The following ADAM22 variants were observed in gnomAD, a reference collection of about 807,000 sequenced individuals.
ADAM22 encodes ADAM metallopeptidase domain 22.
A neutral mutation model predicts 144.6 loss-of-function variants in ADAM22; 65 were observed. That is an observed-to-expected ratio of 0.45 (90% CI 0.37 to 0.55). The LOEUF is 0.55. Ranked by LOEUF, ADAM22 falls within the 20% of genes least tolerant of loss-of-function variation. The pLI is 0.00. For missense variants in ADAM22, 974 were observed against 1,184.9 expected, an observed-to-expected ratio of 0.82 and a Z score of 2.61; for synonymous variants, 391 against 412.6, an observed-to-expected ratio of 0.95 and a Z score of 0.63.
chr7:88,181,669 G>C, intron 28 of ADAM22, 64 bp downstream of exon 28: 2 of 1,396,038 alleles, frequency 1.4e-6, no homozygotes, highest in Non-Finnish European at 2.0e-6. Flanking sequence ...GTGGCCCCTG[G>C]TTGTAAAGAC....
chr7:87,987,388 A>C (rs1788739533), intron 3 of ADAM22, among the ~76,000 whole-genome samples: 1 of 152,166 alleles, frequency 6.6e-6, no homozygotes, highest in South Asian at 2.1e-4. Context: ...CATGTTGGCC[A>C]GGCTGGTCTC....
chr7:88,087,537 T>G (rs942365740), intron 4 of ADAM22, among the ~76,000 whole-genome samples: 4 of 152,162 alleles, frequency 2.6e-5, no homozygotes, highest in Non-Finnish European at 5.9e-5. Context: ...AGGTCAGGAA[T>G]GTGTGTAGAT....
chr7:88,031,274 A>C (rs1800206285), intron 3 of ADAM22, among the ~76,000 whole-genome samples: 1 of 152,216 alleles, frequency 6.6e-6, no homozygotes, highest in South Asian at 2.1e-4. Context: ...AAGCAGCTTT[A>C]AAACTGGGTA....
chr7:87,944,816 G>GTTTTTTTTTTTTTTTTTTTTT (rs11311070), intron 2 of ADAM22, among the ~76,000 whole-genome samples: 7 of 127,026 alleles, frequency 5.5e-5, no homozygotes, highest in African/African-American at 8.7e-5. Context: ...GGAAACTTGT[G>GTTTTTTTTTTTTTTTTTTTTT]TTTTTTTTTT....
At chr7:87,990,622 A>T (rs1044873775) in intron 3 of ADAM22, among the ~76,000 whole-genome samples, 2 of 151,962 alleles carry the variant, frequency 1.3e-5, no homozygotes, top group African/African-American at 4.8e-5. Flanking sequence ...TTTATCACTT[A>T]TATATCTATC....
At chr7:87,955,854 G>A (rs62489879) in intron 2 of ADAM22, among the ~76,000 whole-genome samples, 338 of 152,276 alleles carry the variant, frequency 2.2e-3, no homozygotes, top group South Asian at 4.1e-3. Context: ...CCCCAGCCTC[G>A]CTGCTGCCTT....
intron 3 of ADAM22, among the ~76,000 whole-genome samples, chr7:88,063,403 T>C (rs545204854): frequency 6.6e-6 from 1 of 151,888 alleles, no homozygotes; most frequent in Non-Finnish European, 1.5e-5. Flanking sequence ...AAGTGGAATA[T>C]AGGAGAGACA....
chr7:88,062,204 T>C (rs920872219), intron 3 of ADAM22, among the ~76,000 whole-genome samples: 2 of 121,878 alleles, frequency 1.6e-5, no homozygotes, highest in African/African-American at 5.1e-5. Flanking sequence ...AAGTCCTAGA[T>C]GACATCTTCT....
In ADAM22 at chr7:88,163,129, C is replaced by T; in HGVS notation, c.2025C>T (p.Asn675=). The change falls in exon 23 of 32, where the codon AAC becomes AAT. Residue 675 remains asparagine, a synonymous_variant. Coordinates refer to ENST00000413139, the MANE Select transcript of ADAM22 (RefSeq NM_001324418.2). ...GGTGTCTTCCTGTGGCTTCTTTCAA[C>T]TTTAGTACTTGCTTGAGCAGTAAAG... ...EHRCLPVASF[N]FSTCLSSKEG... The T allele has an allele frequency of 6.2e-7, 1 of 1,612,092 alleles. No individual in the cohort carries two copies. The highest frequency in any genetic ancestry group is 8.5e-7 in the Non-Finnish European group (1 of 1,178,990).
chr7:88,145,154 C>T lies in ADAM22; in HGVS notation c.1350C>T (p.Gly450=), dbSNP rs1270730394. Residue 450 remains glycine, a synonymous_variant, in exon 16 of 32, where the codon GGC becomes GGT. Transcript: ENST00000413139. The part of the protein sequence containing the change: ...KLLDPPECGN[G]FIETGEECDC... ...TTGATCCTCCTGAGTGTGGCAATGG[C>T]TTCATTGAAACTGGAGAGGAGTGTG... is the stretch of plus-strand genomic sequence containing the variant. The T allele has an allele frequency of 2.5e-6, 4 of 1,613,746 alleles. No homozygotes were observed. Among genetic ancestry groups the T allele is most frequent in the South Asian group, 2.2e-5 (2 of 91,034 alleles).
chr7:88,010,672 G>A (rs954063067), intron 3 of ADAM22, among the ~76,000 whole-genome samples: 3 of 152,084 alleles, frequency 2.0e-5, no homozygotes, highest in Non-Finnish European at 4.4e-5. Context: ...CAACTTTTCC[G>A]TGTCTCTCCA....
intron 3 of ADAM22, among the ~76,000 whole-genome samples, chr7:88,066,399 G>A (rs1273730201): frequency 6.6e-6 from 1 of 152,088 alleles, no homozygotes; most frequent in Non-Finnish European, 1.5e-5. Context: ...AATTGAAGTA[G>A]CCATTTAAGA....
chr7:88,019,401 G>T (rs779418493), intron 3 of ADAM22, among the ~76,000 whole-genome samples: 5 of 152,112 alleles, frequency 3.3e-5, no homozygotes, highest in Non-Finnish European at 5.9e-5. Flanking sequence ...CTTGAATCTG[G>T]GAGGTGGAGG....
At chr7:87,949,817 GATTA>G (rs1179080896) in intron 2 of ADAM22, among the ~76,000 whole-genome samples, 2 of 148,966 alleles carry the variant, frequency 1.3e-5, no homozygotes, top group African/African-American at 4.9e-5. Context: ...ATTTAATATG[GATTA>G]ATTATGTTAA....
intron 3 of ADAM22, among the ~76,000 whole-genome samples, chr7:87,995,459 T>C (rs930811619): frequency 2.0e-5 from 3 of 152,220 alleles, no homozygotes; most frequent in African/African-American, 4.8e-5. Context: ...TGGCTACACA[T>C]TATAATAACC....
At chr7:88,068,850 A>T (rs776055889) in intron 3 of ADAM22, among the ~76,000 whole-genome samples, 2 of 152,148 alleles carry the variant, frequency 1.3e-5, no homozygotes, top group Non-Finnish European at 2.9e-5. Context: ...TGGTGGCTGG[A>T]TTCAAAGGAG....
At chr7:87,978,515 A>G in intron 3 of ADAM22, 103 bp downstream of exon 3, 2 of 903,886 alleles carry the variant, frequency 2.2e-6, no homozygotes, top group East Asian at 5.1e-5. Flanking sequence ...GTCTTCCTAT[A>G]CCGGTTAAAT....
In ADAM22 at chr7:87,934,424, AG is replaced by A; in HGVS notation, c.-40del. On this transcript the variant is annotated 5_prime_UTR_variant, in exon 1 of 32. It removes the in-frame stop codon of an upstream open reading frame in the 5' UTR. Coordinates refer to ENST00000413139, the MANE Select transcript of ADAM22 (RefSeq NM_001324418.2). ...AAACGGACTCGGCGGCGCCGGCATG[AG>A]GAGCTGAGCGTCTCGGGCGAGGCGG... 1 of 1,554,340 alleles carries A rather than the reference AG, an allele frequency of 6.4e-7. No individual in the cohort carries two copies. The highest frequency in any genetic ancestry group is 8.7e-7 in the Non-Finnish European group (1 of 1,154,396).
chr7:88,083,882 G>C (rs1817686884), intron 4 of ADAM22, among the ~76,000 whole-genome samples: 1 of 151,952 alleles, frequency 6.6e-6, no homozygotes, highest in African/African-American at 2.4e-5. Flanking sequence ...GATATAACAT[G>C]GGAGAATGGA....
Sources: gnomAD v4.1 joint callset for allele counts (sites outside exome capture counted in the v4.1 genomes callset) on GRCh38, gnomAD v4.1.1 for gene constraint, MANE v1.5 for transcripts, NCBI Gene and HGNC (gene_info 2026-07-23, HGNC 2026-07-21) for gene names.